Variants in EGLN2 observed in about 807,000 individuals in gnomAD.
EGLN2 encodes the protein egl-9 family hypoxia inducible factor 2.
In EGLN2, 15 loss-of-function variants were observed where a neutral mutation model predicts 38.2. The observed-to-expected ratio is 0.39, with a 90% CI of 0.26 to 0.60. The LOEUF (loss-of-function observed/expected upper bound fraction) is 0.60, where lower values mean the gene tolerates loss of function less well. Ranked by LOEUF, EGLN2 falls within the 20% of genes least tolerant of loss-of-function variation. The probability of loss-of-function intolerance (pLI) is 0.50; values close to 1 mark genes in which losing one functional copy is unlikely to be tolerated. For synonymous variants in EGLN2, 284 were observed against 237.4 expected (o/e 1.20, Z -1.81); for missense variants, 492 against 570.4 (o/e 0.86, Z 1.40).
Position 40,807,993 on chromosome 19 carries a change from G to A in EGLN2, c.*129G>A. On this transcript the variant is annotated 3_prime_UTR_variant, in exon 6 of 6. Transcript: ENST00000303961. ...TGCCTCTGTCCTGCCTGGTGTGGAGGGCTCTGTCTGTTGCTGAGGACCAAG... is the reference window on the plus strand; with the variant it reads ...TGCCTCTGTCCTGCCTGGTGTGGAGAGCTCTGTCTGTTGCTGAGGACCAAG... The A allele has an allele frequency of 1.1e-6, 1 of 896,412 alleles. No homozygotes were observed. The allele number at this position is 896,412 out of a possible 1,614,324, so 55.5% of individuals were successfully genotyped here.
intron 3 of EGLN2, 91 bp downstream of exon 3, chr19:40,806,765 G>A (rs2083304728): frequency 6.5e-7 from 1 of 1,528,706 alleles, no homozygotes; most frequent in African/African-American, 1.4e-5. Flanking sequence ...TCTCAGCCCA[G>A]ATTCTGGCAT....
intron 4 of EGLN2, 53 bp from the exon 5 acceptor site, chr19:40,807,429 TGG>T: frequency 1.2e-6 from 2 of 1,610,558 alleles, no homozygotes; most frequent in Non-Finnish European, 1.7e-6. Flanking sequence ...CTAGTGTGTG[TGG>T]ATATGGTAGC....
chr19:40,801,651 CTTTTTTTTTTTTT>C (rs58809253), intron 2 of EGLN2, among the ~76,000 whole-genome samples: 1 of 102,716 alleles, frequency 9.7e-6, no homozygotes, highest in African/African-American at 3.7e-5. Context: ...CACAGTGGTT[CTTTTTTTTTTTTT>C]TTTTTTTTTC....
In EGLN2 at chr19:40,801,223, G is replaced by A. The variant is rs1026378804; in HGVS notation, c.651G>A (p.Gly217=). The change falls in exon 2 of 6, where the codon GGG becomes GGA. Residue 217 remains glycine (G), a synonymous_variant. Coordinates refer to ENST00000303961, the MANE Select transcript of EGLN2 (RefSeq NM_080732.4). ...AGGTGGAGGCCCTCAAACGGGGTGGGCGCCTGCGAGACGGGCAGCTAGTGA... is the reference window on the plus strand; with the variant it reads ...AGGTGGAGGCCCTCAAACGGGGTGGACGCCTGCGAGACGGGCAGCTAGTGA... ...LAEVEALKRG[G]RLRDGQLVSQ... The A allele has an allele frequency of 1.2e-6, 2 of 1,612,442 alleles. No individual in the cohort carries two copies. Among genetic ancestry groups the A allele is most frequent in the Admixed American group, 1.7e-5 (1 of 59,984 alleles).
At chr19:40,801,654 T>C (rs1195089762) in intron 2 of EGLN2, among the ~76,000 whole-genome samples, 1 of 88,062 alleles carries the variant, frequency 1.1e-5, no homozygotes, top group Non-Finnish European at 2.2e-5. Context: ...AGTGGTTCTT[T>C]TTTTTTTTTT....
intron 1 of EGLN2, chr19:40,800,051 C>G (rs903856827): frequency 6.5e-6 from 1 of 154,184 alleles, no homozygotes; most frequent in Non-Finnish European, 1.4e-5. Flanking sequence ...CTTCTTCTGT[C>G]TTTGGTTACC....
At chr19:40,803,636 C>T (rs747103842) in intron 2 of EGLN2, among the ~76,000 whole-genome samples, 1 of 152,162 alleles carries the variant, frequency 6.6e-6, no homozygotes, top group Non-Finnish European at 1.5e-5. Context: ...AGTGGAGCTC[C>T]TGTGTCATCC....
intron 3 of EGLN2, 161 bp from the exon 4 acceptor site, chr19:40,806,977 A>T (rs760735760): frequency 3.9e-5 from 45 of 1,159,240 alleles, no homozygotes; most frequent in Non-Finnish European, 5.4e-5. Context: ...GCCCATCTCC[A>T]TGGTGATGCA....
chr19:40,806,892 A>C, intron 3 of EGLN2: 1 of 907,916 alleles, frequency 1.1e-6, no homozygotes, highest in Non-Finnish European at 1.6e-6. Context: ...CTTTCCGGGA[A>C]TGGTGCTGTC....
In EGLN2 at chr19:40,806,657, C is replaced by G. The variant is rs895888076; in HGVS notation, c.946C>G (p.Gln316Glu). ...CATCACCTGTATCTATTACCTGAAT[C>G]AGAACTGGGACGTTAAGGTAGGGGT... ...RCITCIYYLN[Q>E]NWDVKVHGGL... The change falls in exon 3 of 6, where the codon CAG becomes GAG. Residue 316 changes from glutamine (Q) to glutamate (E), a missense_variant. By Grantham distance (29) the Gln-to-Glu change is conservative. Transcript: ENST00000303961. The G allele has an allele frequency of 6.2e-7, 1 of 1,613,900 alleles. No individual in the cohort carries two copies. Among genetic ancestry groups the G allele is most frequent in the Non-Finnish European group, 8.5e-7 (1 of 1,180,000 alleles).
At position 40,800,797 on chromosome 19, in the gene EGLN2, T is replaced by G. The variant is rs759874407; in HGVS notation, c.225T>G (p.Pro75=). 17 of 1,613,510 alleles carry G rather than the reference T, an allele frequency of 1.1e-5. No homozygotes were observed. The South Asian group carries it at 1.6e-4, about 16-fold the overall frequency. Residue 75 remains proline, a synonymous_variant, in exon 2 of 6, where the codon CCT becomes CCG. Coordinates refer to ENST00000303961, the MANE Select transcript of EGLN2 (RefSeq NM_080732.4). The stretch of plus-strand genomic sequence containing the variant: ...CAGCCACCTCTACCACTGCCAGCCC[T>G]CTTCGGGACGGTTTTGGCGGGCAGG... The part of the protein sequence containing the change: ...RATATSTTAS[P]LRDGFGGQDG...
In EGLN2 at chr19:40,808,066, C is replaced by A; in HGVS notation, c.*202C>A. 1.6e-6 allele frequency: 1 copy of A among 620,960 alleles called. No individual in the cohort carries two copies. The highest frequency in any genetic ancestry group is 2.0e-5 in the South Asian group (1 of 51,192). 38.5% of individuals were successfully genotyped at this position (620,960 alleles called of 1,614,324 possible). A position where few individuals can be genotyped will look rare whatever the true frequency, so the allele number is the denominator to read the frequency against. On this transcript the variant is annotated 3_prime_UTR_variant, in exon 6 of 6. Transcript: ENST00000303961. The stretch of plus-strand genomic sequence containing the variant: ...CCCATCATGGGGGCTGGGGTTGTCA[C>A]CTGGACAGGGGGCAGCCGTGGAGGC...
At chr19:40,806,434 G>A in intron 2 of EGLN2, 121 bp from the exon 3 acceptor site, 2 of 1,522,048 alleles carry the variant, frequency 1.3e-6, no homozygotes. Context: ...TGGAACCCTT[G>A]ACCCAAGGAG....
intron 2 of EGLN2, among the ~76,000 whole-genome samples, chr19:40,801,651 C>CT (rs58809253): frequency 0.22 from 22,918 of 102,668 alleles, 2,779 homozygotes; most frequent in Admixed American, 0.33. Context: ...CACAGTGGTT[C>CT]TTTTTTTTTT....
intron 2 of EGLN2, 72 bp from the exon 3 acceptor site, chr19:40,806,483 G>T: frequency 6.3e-7 from 1 of 1,595,964 alleles, no homozygotes; most frequent in Non-Finnish European, 8.6e-7. Context: ...GGGAAAATAG[G>T]TAATTCATGG....
At chr19:40,803,905 C>T (rs746221486) in intron 2 of EGLN2, among the ~76,000 whole-genome samples, 1 of 152,054 alleles carries the variant, frequency 6.6e-6, no homozygotes, top group South Asian at 2.1e-4. Flanking sequence ...TGGCCCTGGT[C>T]CCACCTGTCC....
chr19:40,801,651 C>CTTTTTTTTTTTTTTTTTTTTTTTT (rs58809253), intron 2 of EGLN2, among the ~76,000 whole-genome samples: 65 of 102,706 alleles, frequency 6.3e-4, no homozygotes, highest in East Asian at 9.7e-4. Context: ...CACAGTGGTT[C>CTTTTTTTTTTTTTTTTTTTTTTTT]TTTTTTTTTT....
chr19:40,806,318 A>C (rs2083300347), intron 2 of EGLN2: 5 of 630,862 alleles, frequency 7.9e-6, no homozygotes, highest in Admixed American at 3.1e-5. Flanking sequence ...GGCCCCAGGT[A>C]TGTGTGTTGG....
At position 40,801,154 on chromosome 19, in the gene EGLN2, G is replaced by A; in HGVS notation, c.582G>A (p.Lys194=). Residue 194 remains lysine, a synonymous_variant, in exon 2 of 6, where the codon AAG becomes AAA. Coordinates refer to ENST00000303961, the MANE Select transcript of EGLN2 (RefSeq NM_080732.4). ...TGCGGTACTACGGCATCTGCGTCAA[G>A]GACAGCTTCCTGGGGGCAGCACTGG... ...PCMRYYGICV[K]DSFLGAALGG... 1.2e-6 allele frequency: 2 copies of A among 1,612,962 alleles called. No individual in the cohort carries two copies. The highest frequency in any genetic ancestry group is 1.7e-6 in the Non-Finnish European group (2 of 1,179,928).
Sources: gnomAD v4.1 joint callset for allele counts (sites outside exome capture counted in the v4.1 genomes callset) on GRCh38, gnomAD v4.1.1 for gene constraint, MANE v1.5 for transcripts, NCBI Gene and HGNC (gene_info 2026-07-23, HGNC 2026-07-21) for gene names.